KIF1B: variants seen among roughly 807,000 people sequenced by gnomAD.
The protein encoded by KIF1B is kinesin-like protein KIF1B.
In KIF1B, 76 loss-of-function variants were observed where a neutral mutation model predicts 241.9. The observed-to-expected ratio is 0.31, with a 90% confidence interval of 0.26 to 0.38. The LOEUF (loss-of-function observed/expected upper bound fraction) is 0.38, where lower values mean the gene tolerates loss of function less well. KIF1B is among the 10% of genes least tolerant of loss of function. KIF1B has a pLI of 1.00. For missense variants in KIF1B, 1,622 were observed against 2,271.4 expected (o/e 0.71, Z 5.81); for synonymous variants, 750 against 796.7 (o/e 0.94, Z 0.99).
At chr1:10,301,231 A>G (rs1186861710) in intron 22 of KIF1B, among the ~76,000 whole-genome samples, 3 of 152,254 alleles carry the variant, frequency 2.0e-5, no homozygotes, top group African/African-American at 4.8e-5. Flanking sequence ...CAAGCAAACA[A>G]ACTCTTCTAG....
intron 22 of KIF1B, among the ~76,000 whole-genome samples, chr1:10,301,236 T>C (rs141639905): frequency 0.019 from 2,857 of 152,320 alleles, 41 homozygotes; most frequent in Non-Finnish European, 0.028. Flanking sequence ...AAACAAACTC[T>C]TCTAGAGATA....
At chr1:10,336,329 A>G (rs1056151671) in intron 28 of KIF1B, among the ~76,000 whole-genome samples, 22 of 152,090 alleles carry the variant, frequency 1.4e-4, no homozygotes. Context: ...TTGTATTTTT[A>G]GTAGAGACGG....
chr1:10,345,750 C>T, intron 34 of KIF1B, 95 bp from the exon 35 acceptor site: 1 of 885,000 alleles, frequency 1.1e-6, no homozygotes, highest in Non-Finnish European at 1.9e-6. Flanking sequence ...GCTGCCTTTC[C>T]CAAGTATGTC....
chr1:10,292,865 C>T (rs1020493702), intron 17 of KIF1B, among the ~76,000 whole-genome samples: 4 of 152,146 alleles, frequency 2.6e-5, no homozygotes, highest in African/African-American at 7.2e-5. Flanking sequence ...ATGTACAAAG[C>T]ATGTATTTTA....
intron 22 of KIF1B, among the ~76,000 whole-genome samples, chr1:10,315,171 CTTTTTT>C (rs765236286): frequency 1.4e-4 from 11 of 80,040 alleles, no homozygotes; most frequent in Middle Eastern, 8.1e-3. Context: ...CAAGAATATT[CTTTTTT>C]TTTTTTTTTT....
At chr1:10,274,882 TG>T in intron 10 of KIF1B, 1 of 374,986 alleles carries the variant, frequency 2.7e-6, no homozygotes, top group Non-Finnish European at 5.2e-6. Flanking sequence ...TGTTTTGTTT[TG>T]TTTTTAAAAA....
At chr1:10,370,590 T>TAAGAAGAAG (rs201223277) in intron 44 of KIF1B, among the ~76,000 whole-genome samples, 102 of 139,912 alleles carry the variant, frequency 7.3e-4, no homozygotes, top group African/African-American at 2.6e-3. Context: ...ATAATAATAA[T>TAAGAAGAAG]AATAAGAAGA....
intron 27 of KIF1B, among the ~76,000 whole-genome samples, chr1:10,333,009 G>A (rs544778744): frequency 3.4e-5 from 5 of 148,148 alleles, no homozygotes; most frequent in East Asian, 2.1e-4. Context: ...ACAGTGTTTC[G>A]CCATGTTGGC....
intron 11 of KIF1B, among the ~76,000 whole-genome samples, chr1:10,276,030 C>T (rs973747527): frequency 6.6e-6 from 1 of 151,784 alleles, no homozygotes; most frequent in South Asian, 2.1e-4. Context: ...CTCAGCCTCC[C>T]GAGTAGCTGG....
intron 22 of KIF1B, among the ~76,000 whole-genome samples, chr1:10,301,573 G>T (rs1405208763): frequency 1.3e-5 from 2 of 152,096 alleles, no homozygotes; most frequent in African/African-American, 4.8e-5. Flanking sequence ...GGCTGAGGCA[G>T]GAGAATTACT....
chr1:10,300,411 A>G (rs1323643291), intron 22 of KIF1B, among the ~76,000 whole-genome samples: 1 of 151,910 alleles, frequency 6.6e-6, no homozygotes, highest in African/African-American at 2.4e-5. Flanking sequence ...TACAGAGTCA[A>G]AATGGCAGTA....
intron 37 of KIF1B, among the ~76,000 whole-genome samples, chr1:10,351,071 G>A: frequency 1.2e-5 from 1 of 81,222 alleles, no homozygotes; most frequent in South Asian, 3.8e-4. Flanking sequence ...ACAAGACCCT[G>A]TCAAAAAAAA....
At chr1:10,273,335 T>C (rs1264600913) in intron 10 of KIF1B, among the ~76,000 whole-genome samples, 4 of 152,074 alleles carry the variant, frequency 2.6e-5, no homozygotes, top group African/African-American at 9.7e-5. Flanking sequence ...GGGCGGATCA[T>C]TTGAGGTCAG....
chr1:10,339,891 T>C, intron 32 of KIF1B, 32 bp downstream of exon 32: 1 of 1,572,658 alleles, frequency 6.4e-7, no homozygotes, highest in Non-Finnish European at 8.8e-7. Flanking sequence ...GCCAAACATA[T>C]GTTTTTCTGG....
intron 12 of KIF1B, 129 bp downstream of exon 12, chr1:10,276,528 A>G: frequency 1.4e-6 from 1 of 715,520 alleles, no homozygotes; most frequent in Non-Finnish European, 2.5e-6. Context: ...CTCTCATAAC[A>G]GGGAAAACTT....
chr1:10,264,141 C>A (rs997088224), intron 5 of KIF1B, among the ~76,000 whole-genome samples: 1 of 152,166 alleles, frequency 6.6e-6, no homozygotes, highest in African/African-American at 2.4e-5. Context: ...ATTCTATTTT[C>A]TTTTTTCCAT....
chr1:10,334,064 TCACTTGAAC>T, intron 27 of KIF1B, among the ~76,000 whole-genome samples: 1 of 147,542 alleles, frequency 6.8e-6, no homozygotes, highest in South Asian at 2.1e-4. Flanking sequence ...GGCAGGAGAA[TCACTTGAAC>T]CCGGGAGCCG....
intron 22 of KIF1B, among the ~76,000 whole-genome samples, chr1:10,302,785 C>T (rs1208417022): frequency 6.6e-6 from 1 of 152,102 alleles, no homozygotes; most frequent in Non-Finnish European, 1.5e-5. Context: ...TCATTTTCTT[C>T]GAATAGTGAG....
At chr1:10,342,291 G>A (rs1652426176) in intron 33 of KIF1B, 123 bp downstream of exon 33, 3 of 750,384 alleles carry the variant, frequency 4.0e-6, no homozygotes, top group Admixed American at 1.9e-5. Flanking sequence ...ATATTACCCT[G>A]TTTCCTCTTT....
Sources: gnomAD v4.1 joint callset for allele counts (sites outside exome capture counted in the v4.1 genomes callset) on GRCh38, gnomAD v4.1.1 for gene constraint, MANE v1.5 for transcripts, NCBI Gene and HGNC (gene_info 2026-07-23, HGNC 2026-07-21) for gene names.